MARF1: variants seen among roughly 807,000 people sequenced by gnomAD.
MARF1 encodes meiosis regulator and mRNA stability factor 1.
A neutral mutation model predicts 168.2 loss-of-function variants in MARF1; 24 were observed. That is an observed-to-expected ratio of 0.14 (90% confidence interval 0.10 to 0.20). MARF1 has a LOEUF of 0.20. Among genes scored for constraint, MARF1 ranks in the 10% least tolerant of loss-of-function variants. The probability of loss-of-function intolerance (pLI) is 1.00; values close to 1 mark genes in which losing one functional copy is unlikely to be tolerated. For missense variants in MARF1, 1,744 were observed against 2,143.6 expected, an observed-to-expected ratio of 0.81 and a Z score of 3.68; for synonymous variants, 868 against 822.4, an observed-to-expected ratio of 1.06 and a Z score of -0.95.
At chr16:15,640,784 A>C (rs996987209) in intron 1 of MARF1, among the ~76,000 whole-genome samples, 1 of 152,254 alleles carries the variant, frequency 6.6e-6, no homozygotes, top group African/African-American at 2.4e-5. Context: ...CATTCACTTA[A>C]ATACTGCCTA....
chr16:15,600,553 C>A lies in MARF1; in HGVS notation c.4688G>T (p.Ser1563Ile), dbSNP rs755211738. The A allele has an allele frequency of 6.2e-7, 1 of 1,614,190 alleles. No homozygotes were observed. Among genetic ancestry groups the A allele is most frequent in the Non-Finnish European group, 8.5e-7 (1 of 1,180,048 alleles). Residue 1563 changes from serine (S) to isoleucine (I), a missense_variant and splice_region_variant, in exon 25 of 27, where the codon AGT becomes ATT. Ser to Ile is a moderately radical substitution (Grantham distance 142). Around this residue, in one of 7 missense-constraint regions of MARF1, gnomAD observed 313 missense variants for 337.4 expected, o/e 0.93. Transcript: ENST00000396368. ...RIVVLKNDMK[S>I]RLSSLSLSPA... ...GGAGAGACTGAGTGAACTCAAACGA[C>A]CTACAGGACAAAGAGCACCCGTCAG...
At chr16:15,628,906 C>G (rs2035057087) in intron 7 of MARF1, among the ~76,000 whole-genome samples, 1 of 151,992 alleles carries the variant, frequency 6.6e-6, no homozygotes, top group Non-Finnish European at 1.5e-5. Flanking sequence ...AATTATCACT[C>G]TAGTGGATGG....
intron 4 of MARF1, 129 bp from the exon 5 acceptor site, chr16:15,633,972 G>T: frequency 1.4e-6 from 1 of 725,802 alleles, no homozygotes; most frequent in Non-Finnish European, 2.2e-6. Flanking sequence ...AAGTTTTAAG[G>T]CTACCAACCT....
rs368036424 is a variant in MARF1 at position 15,595,611 on chromosome 16, A to C, written c.*1082T>G. ...TCCAACAGCGAGAAGTAACGAGAGT[A>C]AAATCAGACACGATTAAAAGATGCT... On this transcript the variant is annotated 3_prime_UTR_variant, in exon 27 of 27. Coordinates refer to ENST00000396368, the MANE Select transcript of MARF1 (RefSeq NM_014647.4). 1 of 152,542 alleles carries C rather than the reference A, an allele frequency of 6.6e-6. No individual in the cohort carries two copies. Among genetic ancestry groups the C allele is most frequent in the East Asian group, 1.9e-4 (1 of 5,194 alleles). The allele number at this position is 152,542 out of a possible 1,614,324, so 9.4% of individuals were successfully genotyped here. A position where few individuals can be genotyped will look rare whatever the true frequency, so the allele number is the denominator to read the frequency against.
chr16:15,625,217 A>G (rs778003917), intron 8 of MARF1, 44 bp from the exon 9 acceptor site: 1 of 1,603,218 alleles, frequency 6.2e-7, no homozygotes, highest in Non-Finnish European at 8.5e-7. Flanking sequence ...TTAAGTACCC[A>G]AGATGTGTTA....
At position 15,598,975 on chromosome 16, in the gene MARF1, G is replaced by A. The variant is rs770322159; in HGVS notation, c.4863C>T (p.Pro1621=). 11 of 1,612,070 alleles carry A rather than the reference G, an allele frequency of 6.8e-6. No individual in the cohort carries two copies. The highest frequency in any genetic ancestry group is 4.0e-5 in the African/African-American group (3 of 74,712). Residue 1621 remains proline (P), a synonymous_variant, in exon 26 of 27, where the codon CCC becomes CCT. Coordinates refer to ENST00000396368, the MANE Select transcript of MARF1 (RefSeq NM_014647.4). ...GGACAGGCGCACACAGGAGGTCGACGGGGGAGTCGTCGGTCAGGCGGAGAA... is the reference window on the plus strand; with the variant it reads ...GGACAGGCGCACACAGGAGGTCGACAGGGGAGTCGTCGGTCAGGCGGAGAA... ...QELLRLTDDS[P]VDLLCAPVPS...
Position 15,596,015 on chromosome 16 carries a change from C to T in MARF1, c.*678G>A, listed in dbSNP as rs2031644314. On this transcript the variant is annotated 3_prime_UTR_variant, in exon 27 of 27. Coordinates refer to ENST00000396368, the MANE Select transcript of MARF1 (RefSeq NM_014647.4). ...CAAACATCCTCAACTTTCTAGAAAG[C>T]TCCTAAATGGAACCCCAAAGTAGAA... 1 of 152,608 alleles carries T rather than the reference C, an allele frequency of 6.6e-6. No homozygotes were observed. Among genetic ancestry groups the T allele is most frequent in the South Asian group, 2.1e-4 (1 of 4,826 alleles). The allele number at this position is 152,608 out of a possible 1,614,324, so 9.5% of individuals were successfully genotyped here.
chr16:15,612,798 A>T, intron 16 of MARF1, 21 bp from the exon 17 acceptor site: 9 of 1,597,774 alleles, frequency 5.6e-6, no homozygotes, highest in Non-Finnish European at 7.7e-6. Context: ...AAGAACGTGT[A>T]TAAGACAGAA....
At chr16:15,607,488 G>C (rs763145092) in intron 21 of MARF1, among the ~76,000 whole-genome samples, 2 of 152,194 alleles carry the variant, frequency 1.3e-5, no homozygotes, top group Non-Finnish European at 1.5e-5. Flanking sequence ...GGCGGAGGTT[G>C]CAGTGAGCCA....
At chr16:15,616,484 TG>T (rs2034055069) in intron 15 of MARF1, among the ~76,000 whole-genome samples, 1 of 152,358 alleles carries the variant, frequency 6.6e-6, no homozygotes, top group East Asian at 1.9e-4. Flanking sequence ...CTCCCCTCTG[TG>T]GAAGAATCTG....
rs1218152752 is a variant in MARF1 at position 15,613,688 on chromosome 16, T to TAAATAAATAAATAAATAAAA, written c.3254-912_3254-911insTTTTATTTATTTATTTATTT. Among the ~76,000 whole-genome samples the TAAATAAATAAATAAATAAAA allele has an allele frequency of 2.0e-4, 29 of 144,012 alleles. No homozygotes were observed. The East Asian group carries it at 2.4e-3, about 12-fold the overall frequency. 94.5% of individuals were successfully genotyped at this position (144,012 alleles called of 152,430 possible). On this transcript the variant is annotated intron_variant, in intron 16 of 26. Transcript: ENST00000396368. ...ATAAATAAATAAATAAATAAATAAA[T>TAAATAAATAAATAAATAAAA]AAAATAAAATAAAATAAAATAAAAA...
chr16:15,619,110 T>C (rs1056581407), intron 13 of MARF1, among the ~76,000 whole-genome samples: 7 of 152,060 alleles, frequency 4.6e-5, no homozygotes, highest in African/African-American at 1.7e-4. Flanking sequence ...ACCCCCTCAT[T>C]ACAAAAATTA....
chr16:15,630,600 A>C, intron 6 of MARF1, 96 bp from the exon 7 acceptor site: 1 of 1,122,310 alleles, frequency 8.9e-7, no homozygotes, highest in Non-Finnish European at 1.2e-6. Flanking sequence ...AAGAAAGGAA[A>C]GGCTGGACTA....
rs780679112 is a variant in MARF1 at position 15,612,775 on chromosome 16, G to A, written c.3256C>T (p.Pro1086Ser). Residue 1086 changes from proline (P) to serine (S), a missense_variant and splice_region_variant, in exon 17 of 27, where the codon CCT becomes TCT. Physicochemically the swap from Pro to Ser is moderately conservative, Grantham distance 74. This residue lies in a region of MARF1 where 543 missense variants were observed against 742.1 expected (regional missense o/e 0.73). Coordinates refer to ENST00000396368, the MANE Select transcript of MARF1 (RefSeq NM_014647.4). ...HNKPPPPNTDPWLLRSKSPVG... is the reference protein window; with the variant it reads ...HNKPPPPNTDSWLLRSKSPVG... The stretch of plus-strand genomic sequence containing the variant: ...GGACTCTTCGAACGCAGAAGCCAAG[G>A]GTCTAGAAGAAAAAGAACGTGTATA... The A allele has an allele frequency of 7.4e-6, 12 of 1,613,446 alleles. No homozygotes were observed. In the Admixed American group the frequency reaches 1.8e-4, roughly 25 times the overall value.
intron 22 of MARF1, chr16:15,602,844 C>T: frequency 3.4e-6 from 1 of 292,922 alleles, no homozygotes; most frequent in Admixed American, 4.9e-5. Context: ...AACTGCACCT[C>T]CAAACCAGTT....
chr16:15,604,687 T>G (rs982599851), intron 21 of MARF1, among the ~76,000 whole-genome samples: 4 of 152,156 alleles, frequency 2.6e-5, no homozygotes, highest in Non-Finnish European at 5.9e-5. Context: ...CATTCATTCT[T>G]TCCAAACCCC....
intron 13 of MARF1, among the ~76,000 whole-genome samples, chr16:15,620,008 A>G (rs538723511): frequency 6.6e-6 from 1 of 152,274 alleles, no homozygotes; most frequent in South Asian, 2.1e-4. Context: ...TACTAAAAAT[A>G]CGAAAACTTA....
rs2035244112 is a variant in MARF1 at position 15,631,419 on chromosome 16, T to C, written c.1313A>G (p.Asn438Ser). 6.2e-7 allele frequency: 1 copy of C among 1,613,044 alleles called. No individual in the cohort carries two copies. Among genetic ancestry groups the C allele is most frequent in the South Asian group, 1.1e-5 (1 of 91,064 alleles). ...CACTGTGGCTGGAGCAGTGTGTGTA[T>C]TTGCAAATCTGCGGAGACTCTGCCG... Reference protein sequence around the residue: ...KLRQSLRRFANTHTAPATVVL... With the variant: ...KLRQSLRRFASTHTAPATVVL... Residue 438 changes from asparagine to serine, a missense_variant, in exon 6 of 27, where the codon AAT (asparagine) becomes AGT (serine). Around this residue, in one of 7 missense-constraint regions of MARF1, gnomAD observed 217 missense variants for 372.4 expected, o/e 0.58. Coordinates refer to ENST00000396368, the MANE Select transcript of MARF1 (RefSeq NM_014647.4).
At chr16:15,602,887 T>G (rs1210167835) in intron 22 of MARF1, 1 of 268,198 alleles carries the variant, frequency 3.7e-6, no homozygotes. Flanking sequence ...AGGATGACAC[T>G]AGCATTCTTT....
Sources: gnomAD v4.1 joint callset for allele counts (sites outside exome capture counted in the v4.1 genomes callset) on GRCh38, gnomAD v4.1.1 for gene constraint, gnomAD v4.1.1 regional missense constraint, MANE v1.5 for transcripts, NCBI Gene and HGNC (gene_info 2026-07-23, HGNC 2026-07-21) for gene names.